Variants in MCC observed in about 807,000 individuals in gnomAD.
MCC encodes the protein colorectal mutant cancer protein.
Under a neutral mutation model 116.2 loss-of-function variants are expected in MCC, and 90 were observed. The ratio of observed to expected loss-of-function variants is 0.77; its 90% CI spans 0.65 to 0.92. The LOEUF (loss-of-function observed/expected upper bound fraction) is 0.92, where lower values mean the gene tolerates loss of function less well. Ranked by LOEUF, MCC falls within the 40% of genes least tolerant of loss-of-function variation. MCC has a pLI of 0.00. For synonymous variants in MCC, 578 were observed against 510.5 expected, an observed-to-expected ratio of 1.13 and a Z score of -1.78; for missense variants, 1,516 against 1,312.2, an observed-to-expected ratio of 1.16 and a Z score of -2.40.
chr5:113,456,592 GACTACAGTC>G, intron 1 of MCC, among the ~76,000 whole-genome samples: 1 of 146,240 alleles, frequency 6.8e-6, no homozygotes, highest in South Asian at 2.2e-4. Context: ...CAATAGCTGG[GACTACAGTC>G]ACCCGCCACC....
At chr5:113,359,458 C>T (rs1254272466) in intron 2 of MCC, among the ~76,000 whole-genome samples, 1 of 152,116 alleles carries the variant, frequency 6.6e-6, no homozygotes, top group Non-Finnish European at 1.5e-5. Flanking sequence ...GACAACTAAC[C>T]CAAGGAGCAG....
intron 1 of MCC, among the ~76,000 whole-genome samples, chr5:113,464,794 A>C (rs1771849429): frequency 1.4e-5 from 1 of 70,570 alleles, no homozygotes; most frequent in African/African-American, 5.8e-5. Context: ...AATAGCAACA[A>C]GAAAAAAAAA....
intron 1 of MCC, among the ~76,000 whole-genome samples, chr5:113,409,508 C>T (rs1254996803): frequency 6.6e-6 from 1 of 152,070 alleles, no homozygotes; most frequent in East Asian, 1.9e-4. Flanking sequence ...TGCACCAACA[C>T]ACCTGGCTAA....
In MCC at chr5:113,048,963, G is replaced by T. The variant is rs998058562; in HGVS notation, c.2655+130C>A. 5 of 812,348 alleles carry T rather than the reference G, an allele frequency of 6.2e-6. No individual in the cohort carries two copies. In the South Asian group the frequency reaches 6.6e-5, roughly 11 times the overall value. The allele number at this position is 812,348 out of a possible 1,614,324, so 50.3% of individuals were successfully genotyped here. A position where few individuals can be genotyped will look rare whatever the true frequency, so the allele number is the denominator to read the frequency against. On this transcript the variant is annotated intron_variant, in intron 16 of 18. Transcript: ENST00000408903. The stretch of plus-strand genomic sequence containing the variant: ...AAATGTCACCTTCTTAGATACCTAC[G>T]AATGGCCTGCATTTCCTATGCAAAT...
chr5:113,215,533 G>C (rs930007775), intron 3 of MCC, among the ~76,000 whole-genome samples: 1 of 152,134 alleles, frequency 6.6e-6, no homozygotes, highest in Non-Finnish European at 1.5e-5. Context: ...TCATGAATGG[G>C]ATTAAGGCTC....
chr5:113,425,642 A>G (rs938686170), intron 1 of MCC, among the ~76,000 whole-genome samples: 1 of 152,226 alleles, frequency 6.6e-6, no homozygotes, highest in Admixed American at 6.5e-5. Context: ...AATATCTACA[A>G]TTGAAGAAAA....
chr5:113,203,008 C>G (rs1028469533), intron 3 of MCC, among the ~76,000 whole-genome samples: 10 of 152,140 alleles, frequency 6.6e-5, no homozygotes, highest in Admixed American at 1.3e-4. Flanking sequence ...TTTTCCCTTT[C>G]AGAACTTCTG....
Position 113,043,641 on chromosome 5 carries a change from C to G in MCC, c.2656-11G>C, listed in dbSNP as rs201362760. On this transcript the variant is annotated splice_polypyrimidine_tract_variant and intron_variant, in intron 16 of 18. Transcript: ENST00000408903. The stretch of plus-strand genomic sequence containing the variant: ...AGCATCAGCACACTCCTGACAACAG[C>G]AAACACATTCCAGTTAGGCCTGAAT... 1.9e-6 allele frequency: 3 copies of G among 1,595,130 alleles called. No individual in the cohort carries two copies. Among genetic ancestry groups the G allele is most frequent in the Admixed American group, 1.7e-5 (1 of 59,900 alleles).
In MCC at chr5:113,172,680, T is replaced by C. The variant is rs75506457; in HGVS notation, c.628-21258A>G. ...CCATAACTTAGCCAACAGCCAATTATAGAATGTGTAACCAATTTTCCTTGT... is the reference window on the plus strand; with the variant it reads ...CCATAACTTAGCCAACAGCCAATTACAGAATGTGTAACCAATTTTCCTTGT... On this transcript the variant is annotated intron_variant, in intron 3 of 18. Coordinates refer to ENST00000408903, the MANE Select transcript of MCC (RefSeq NM_001085377.2). 1.2e-3 allele frequency among the ~76,000 whole-genome samples: 190 copies of C among 152,324 alleles called. 7 individuals are homozygous for C. The East Asian group carries it at 0.032, about 26-fold the overall frequency.
intron 1 of MCC, among the ~76,000 whole-genome samples, chr5:113,402,047 C>T (rs1769702454): frequency 6.6e-6 from 1 of 151,862 alleles, no homozygotes; most frequent in Admixed American, 6.6e-5. Context: ...GTAATCCCAG[C>T]ACTTTGGGAG....
intron 4 of MCC, among the ~76,000 whole-genome samples, chr5:113,145,180 TTA>T (rs1759420683): frequency 3.3e-5 from 5 of 152,222 alleles, no homozygotes; most frequent in Admixed American, 2.0e-4. Context: ...ACTCTTGCTG[TTA>T]GCCTCTGTTC....
rs140094657 is a variant in MCC, at chr5:113,245,284, C to G, written c.628-93862G>C. ...TCCAGCCTAGGCAACGAGAGAAACT[C>G]CATCTCAAAAAAAAAAAAAAAAAAG... On this transcript the variant is annotated intron_variant, in intron 3 of 18. Coordinates refer to ENST00000408903, the MANE Select transcript of MCC (RefSeq NM_001085377.2). 9.1e-3 allele frequency among the ~76,000 whole-genome samples: 1,294 copies of G among 142,274 alleles called. 9 individuals carry two copies. The highest frequency in any genetic ancestry group is 0.017 in the African/African-American group (621 of 35,770). 93.3% of individuals were successfully genotyped at this position (142,274 alleles called of 152,430 possible).
At chr5:113,183,774 G>A (rs1005746) in intron 3 of MCC, among the ~76,000 whole-genome samples, 15,664 of 152,156 alleles carry the variant, frequency 0.1, 892 homozygotes, top group Non-Finnish European at 0.12. Flanking sequence ...ATGACTAGCA[G>A]GGGCAAATGG....
chr5:113,371,461 G>T (rs1434568233), intron 2 of MCC, among the ~76,000 whole-genome samples: 1 of 152,072 alleles, frequency 6.6e-6, no homozygotes, highest in Non-Finnish European at 1.5e-5. Flanking sequence ...ATAAATCAAA[G>T]AAAACACTAT....
rs866666326 is a variant in MCC, at chr5:113,488,391, C to T, written c.24G>A (p.Ala8=). 3.6e-5 allele frequency: 50 copies of T among 1,404,490 alleles called. No individual in the cohort carries two copies. The African/African-American group carries it at 5.9e-4, about 17-fold the overall frequency. 87.0% of individuals were successfully genotyped at this position (1,404,490 alleles called of 1,614,324 possible). MMAAAAA[A]AAGSSSSGGG... ...CGCCGCTGCTGGAGCTCCCCGCAGC[C>T]GCTGCCGCCGCGGCCGCCATCATGC... Residue 8 remains alanine, a synonymous_variant, in exon 1 of 19, where the codon GCG becomes GCA. Transcript: ENST00000408903.
intron 1 of MCC, among the ~76,000 whole-genome samples, chr5:113,417,458 G>C (rs1467815072): frequency 6.6e-6 from 1 of 152,186 alleles, no homozygotes; most frequent in Non-Finnish European, 1.5e-5. Context: ...TGCCTAAGAG[G>C]TCAGTGATTT....
chr5:113,481,316 A>G (rs1335687739), intron 1 of MCC, among the ~76,000 whole-genome samples: 1 of 152,222 alleles, frequency 6.6e-6, no homozygotes, highest in Non-Finnish European at 1.5e-5. Flanking sequence ...ACATAAAGTA[A>G]TGGTTTGTCT....
chr5:113,291,206 A>C (rs923547257), intron 3 of MCC, among the ~76,000 whole-genome samples: 1 of 152,178 alleles, frequency 6.6e-6, no homozygotes, highest in African/African-American at 2.4e-5. Flanking sequence ...CCTCATGCCC[A>C]ACACCCATCC....
intron 11 of MCC, among the ~76,000 whole-genome samples, chr5:113,078,888 A>G (rs1256355322): frequency 6.6e-6 from 1 of 152,234 alleles, no homozygotes; most frequent in African/African-American, 2.4e-5. Flanking sequence ...TGCAGATGAC[A>G]TGATTGTATA....
Sources: allele counts gnomAD v4.1 joint callset (sites outside exome capture counted in the v4.1 genomes callset), GRCh38; gene constraint gnomAD v4.1.1; transcripts MANE v1.5; gene names NCBI Gene and HGNC (gene_info 2026-07-23, HGNC 2026-07-21).